TMPRSS15: variants seen among roughly 807,000 people sequenced by gnomAD.
TMPRSS15 encodes the protein enteropeptidase.
In TMPRSS15, 128 loss-of-function variants were observed where a neutral mutation model predicts 125.3. The observed-to-expected ratio is 1.02, with a 90% CI of 0.89 to 1.18. The LOEUF is 1.18. TMPRSS15 is among the 50% of genes most tolerant of loss of function. The probability of loss-of-function intolerance (pLI) is 0.00; values close to 1 mark genes in which losing one functional copy is unlikely to be tolerated. For synonymous variants in TMPRSS15, 446 were observed against 423.2 expected (o/e 1.05, Z -0.66); for missense variants, 1,283 against 1,212.7 (o/e 1.06, Z -0.86).
Position 18,322,243 on chromosome 21 carries a change from C to T in TMPRSS15, c.1921+4189G>A, listed in dbSNP as rs1251564308. 2.0e-5 allele frequency among the ~76,000 whole-genome samples: 3 copies of T among 152,220 alleles called. No individual in the cohort carries two copies. The South Asian group carries it at 6.2e-4, about 32-fold the overall frequency. Reference sequence around the variant, plus strand: ...TGATGAGGATGCAGAGAAAGGGGAACATTTATACACCTTTGGTAGAAATGT... The same window carrying T: ...TGATGAGGATGCAGAGAAAGGGGAATATTTATACACCTTTGGTAGAAATGT... On this transcript the variant is annotated intron_variant, in intron 16 of 24. Transcript: ENST00000284885.
chr21:18,282,907 ATGTGGGG>A (rs2074718420), intron 21 of TMPRSS15, among the ~76,000 whole-genome samples: 1 of 152,018 alleles, frequency 6.6e-6, no homozygotes, highest in Non-Finnish European at 1.5e-5. Flanking sequence ...AGGACTGGAG[ATGTGGGG>A]GGCAAGAGGG....
At chr21:18,383,861 A>C in intron 3 of TMPRSS15, 83 bp from the exon 4 acceptor site, 1 of 1,474,286 alleles carries the variant, frequency 6.8e-7, no homozygotes. Context: ...ATGTCTTTGA[A>C]ATTCTCTATA....
chr21:18,412,322 C>G (rs2076168033), intron 1 of TMPRSS15, among the ~76,000 whole-genome samples: 1 of 152,158 alleles, frequency 6.6e-6, no homozygotes, highest in Non-Finnish European at 1.5e-5. Flanking sequence ...CCAACATTTA[C>G]TTTGTCCACA....
At chr21:18,292,077 A>T (rs726489) in intron 21 of TMPRSS15, among the ~76,000 whole-genome samples, 1 of 152,110 alleles carries the variant, frequency 6.6e-6, no homozygotes, top group Non-Finnish European at 1.5e-5. Context: ...TGGAAAGTCC[A>T]AATGTATCAA....
Position 18,270,023 on chromosome 21 carries a change from TC to T in TMPRSS15, c.3005del (p.Gly1002GlufsTer49). The part of the protein sequence containing the change: ...GYKCALPNRP[G>X]VYARVSRFTE... Reference sequence around the variant, plus strand: ...TAAACCTTGAGACCCTGGCATACACTCCGGGGCGATTAGGCAGGGCACACTT... The same window carrying T: ...TAAACCTTGAGACCCTGGCATACACTCGGGGCGATTAGGCAGGGCACACTT... On this transcript the variant is annotated frameshift_variant, in exon 25 of 25. Transcript: ENST00000284885. LOFTEE classifies it high-confidence loss of function. 1 of 1,613,954 alleles carries T rather than the reference TC, an allele frequency of 6.2e-7. No homozygotes were observed. The highest frequency in any genetic ancestry group is 8.5e-7 in the Non-Finnish European group (1 of 1,179,894).
At chr21:18,297,484 A>G (rs1187486974) in intron 19 of TMPRSS15, among the ~76,000 whole-genome samples, 2 of 152,186 alleles carry the variant, frequency 1.3e-5, no homozygotes, top group Non-Finnish European at 2.9e-5. Context: ...AACATGTCAA[A>G]TCCCTATGAG....
intron 1 of TMPRSS15, among the ~76,000 whole-genome samples, chr21:18,463,517 C>A (rs1978594255): frequency 6.6e-6 from 1 of 151,888 alleles, no homozygotes; most frequent in African/African-American, 2.4e-5. Context: ...ACTTTAACAC[C>A]CCACTGTCGC....
chr21:18,440,985 T>TA (rs201771293), intron 1 of TMPRSS15, among the ~76,000 whole-genome samples: 3,110 of 151,946 alleles, frequency 0.02, 88 homozygotes, highest in African/African-American at 0.065. Flanking sequence ...GAAATTCTTG[T>TA]AAAAAAAATA....
intron 7 of TMPRSS15, among the ~76,000 whole-genome samples, chr21:18,360,940 T>C (rs2075674382): frequency 6.6e-6 from 1 of 152,158 alleles, no homozygotes; most frequent in Non-Finnish European, 1.5e-5. Context: ...ATGACAGCTA[T>C]CATATTCTAT....
At chr21:18,335,269 T>C (rs1023560070) in intron 13 of TMPRSS15, among the ~76,000 whole-genome samples, 6 of 152,232 alleles carry the variant, frequency 3.9e-5, no homozygotes, top group African/African-American at 1.4e-4. Flanking sequence ...CAGTGGCCAA[T>C]ACTGGGTTTT....
intron 1 of TMPRSS15, among the ~76,000 whole-genome samples, chr21:18,399,977 CA>C (rs2076080297): frequency 6.6e-6 from 1 of 151,956 alleles, no homozygotes; most frequent in South Asian, 2.1e-4. Context: ...ATCCCATTGT[CA>C]ATAGCCATAC....
Position 18,343,701 on chromosome 21 carries a change from G to A in TMPRSS15, c.1278-45C>T, listed in dbSNP as rs768323414. 7.7e-6 allele frequency: 12 copies of A among 1,567,884 alleles called. No individual in the cohort carries two copies. In the South Asian group the frequency reaches 1.2e-4, roughly 16 times the overall value. ...AAATGTTTGGATTCCTACAACATTAGAATAAGTCCTTTTCAGAGCTTTTCT... is the reference window on the plus strand; with the variant it reads ...AAATGTTTGGATTCCTACAACATTAAAATAAGTCCTTTTCAGAGCTTTTCT... On this transcript the variant is annotated intron_variant, in intron 11 of 24. Coordinates refer to ENST00000284885, the MANE Select transcript of TMPRSS15 (RefSeq NM_002772.3).
intron 8 of TMPRSS15, among the ~76,000 whole-genome samples, chr21:18,357,306 A>C (rs554379923): frequency 3.3e-5 from 5 of 151,982 alleles, no homozygotes; most frequent in African/African-American, 9.6e-5. Context: ...AATTATTTGA[A>C]GACTGCACTA....
intron 1 of TMPRSS15, among the ~76,000 whole-genome samples, chr21:18,456,869 C>A (rs1190083720): frequency 6.6e-6 from 1 of 152,032 alleles, no homozygotes; most frequent in Non-Finnish European, 1.5e-5. Flanking sequence ...TGACAGGTAA[C>A]TTTCTTTTTA....
chr21:18,379,642 G>C (rs1174609508), intron 4 of TMPRSS15, among the ~76,000 whole-genome samples: 1 of 152,024 alleles, frequency 6.6e-6, no homozygotes, highest in Non-Finnish European at 1.5e-5. Flanking sequence ...AGACGTAAAT[G>C]TTCCAGGTTA....
intron 7 of TMPRSS15, among the ~76,000 whole-genome samples, chr21:18,363,058 C>T (rs1020388697): frequency 2.6e-5 from 4 of 152,108 alleles, no homozygotes; most frequent in African/African-American, 7.2e-5. Flanking sequence ...AACATTTCTC[C>T]TATATTTAAT....
intron 21 of TMPRSS15, among the ~76,000 whole-genome samples, chr21:18,282,102 A>C (rs1289902491): frequency 1.9e-4 from 27 of 143,918 alleles, no homozygotes; most frequent in African/African-American, 3.6e-4. Context: ...CGCCTCAAAA[A>C]AAAAAAAAAA....
At chr21:18,296,455 G>A (rs2146903741) in intron 19 of TMPRSS15, among the ~76,000 whole-genome samples, 1 of 152,314 alleles carries the variant, frequency 6.6e-6, no homozygotes, top group African/African-American at 2.4e-5. Context: ...GCTTGTTGAT[G>A]TGATGAAAGG....
At chr21:18,293,652 G>A (rs1376906393) in intron 21 of TMPRSS15, among the ~76,000 whole-genome samples, 1 of 152,004 alleles carries the variant, frequency 6.6e-6, no homozygotes, top group Non-Finnish European at 1.5e-5. Flanking sequence ...CTCTCCTCTA[G>A]GACTGCAAAA....
Sources: gnomAD v4.1 joint callset for allele counts (sites outside exome capture counted in the v4.1 genomes callset) on GRCh38, gnomAD v4.1.1 for gene constraint, MANE v1.5 for transcripts, NCBI Gene and HGNC (gene_info 2026-07-23, HGNC 2026-07-21) for gene names.